DGKB: variants seen among roughly 807,000 people sequenced by gnomAD.
DGKB encodes diacylglycerol kinase beta.
Under a neutral mutation model 114.3 loss-of-function variants are expected in DGKB, and 67 were observed. The observed-to-expected ratio is 0.59, with a 90% CI of 0.48 to 0.72. The LOEUF (loss-of-function observed/expected upper bound fraction) is 0.72. Among genes scored for constraint, DGKB ranks in the 30% least tolerant of loss-of-function variants. The pLI, the probability that DGKB is intolerant of heterozygous loss-of-function variation, is 0.00. For missense variants in DGKB, 907 were observed against 975.2 expected (o/e 0.93, Z 0.93); for synonymous variants, 398 against 323.1 (o/e 1.23, Z -2.49).
At chr7:14,831,127 G>GT (rs1454950013) in intron 2 of DGKB, among the ~76,000 whole-genome samples, 2 of 151,882 alleles carry the variant, frequency 1.3e-5, no homozygotes, top group Admixed American at 1.3e-4. Context: ...CAAATAAGAT[G>GT]TATCTGAGAA....
At chr7:14,908,000 C>T (rs1783796512), upstream of DGKB, among the ~76,000 whole-genome samples, 1 of 152,122 alleles carries the variant, frequency 6.6e-6, no homozygotes. Context: ...TGTAGTTGTC[C>T]AACTGAAGTT....
chr7:14,168,513 A>C (rs2128233206), intron 25 of DGKB, among the ~76,000 whole-genome samples: 1 of 152,358 alleles, frequency 6.6e-6, no homozygotes, highest in East Asian at 1.9e-4. Flanking sequence ...GACTCATCAA[A>C]GTCCAACTGC....
At chr7:14,931,982 G>A (rs1785043208) in intron 1 of DGKB, among the ~76,000 whole-genome samples, 1 of 152,136 alleles carries the variant, frequency 6.6e-6, no homozygotes, top group Non-Finnish European at 1.5e-5. Context: ...TTCTCCAACA[G>A]CTGCAATCAA....
chr7:14,360,526 A>G (rs1420657004), intron 21 of DGKB, among the ~76,000 whole-genome samples: 1 of 151,890 alleles, frequency 6.6e-6, no homozygotes, highest in Non-Finnish European at 1.5e-5. Flanking sequence ...AGCACCTACT[A>G]AGTTTCAGGG....
At chr7:14,259,511 C>A (rs1331634227) in intron 23 of DGKB, among the ~76,000 whole-genome samples, 1 of 151,116 alleles carries the variant, frequency 6.6e-6, no homozygotes, top group Non-Finnish European at 1.5e-5. Context: ...ACTGCAACTT[C>A]TGCATCCCGG....
intron 20 of DGKB, among the ~76,000 whole-genome samples, chr7:14,538,113 G>GAAAAAAA (rs1412790272): frequency 9.0e-6 from 1 of 111,286 alleles, no homozygotes; most frequent in Non-Finnish European, 2.0e-5. Flanking sequence ...AAAAAAAAAT[G>GAAAAAAA]GGACTACATC....
chr7:14,357,876 G>A (rs1012570965), intron 21 of DGKB, among the ~76,000 whole-genome samples: 1 of 152,126 alleles, frequency 6.6e-6, no homozygotes, highest in African/African-American at 2.4e-5. Flanking sequence ...GGCTGGATAT[G>A]AAATTCTGGG....
intron 2 of DGKB, among the ~76,000 whole-genome samples, chr7:14,810,582 T>G (rs542555821): frequency 6.6e-6 from 1 of 152,288 alleles, no homozygotes; most frequent in African/African-American, 2.4e-5. Context: ...AGGAATAAAT[T>G]TTTCTTACTA....
At position 14,842,001 on chromosome 7, in the gene DGKB, T is replaced by C. The variant is rs972890858; in HGVS notation, c.-187-551A>G. Among the ~76,000 whole-genome samples, 73 of 152,216 alleles carry C rather than the reference T, an allele frequency of 4.8e-4. 1 individual carries two copies. Among genetic ancestry groups the C allele is most frequent in the Non-Finnish European group, 2.8e-4 (19 of 68,030 alleles). ...GTGTAATGACAGTAGATGATTCTAT[T>C]GTGAATCACGCTTTAAAATAAATCT... On this transcript the variant is annotated intron_variant, in intron 1 of 25. Transcript: ENST00000402815.
chr7:14,969,761 C>T (rs1193793617), intron 1 of DGKB, among the ~76,000 whole-genome samples: 1 of 152,160 alleles, frequency 6.6e-6, no homozygotes, highest in East Asian at 1.9e-4. Flanking sequence ...TGGTCTACTA[C>T]ACGACTAAGC....
chr7:14,707,181 A>G (rs1250815898), intron 6 of DGKB, among the ~76,000 whole-genome samples: 1 of 129,964 alleles, frequency 7.7e-6, no homozygotes, highest in Non-Finnish European at 1.6e-5. Context: ...AGAGAATACT[A>G]CAAACACCTC....
chr7:14,634,655 A>G (rs537076067), intron 13 of DGKB, among the ~76,000 whole-genome samples: 2 of 151,754 alleles, frequency 1.3e-5, no homozygotes, highest in East Asian at 3.9e-4. Flanking sequence ...GAGAAAAAAA[A>G]CTAGGGTAAG....
At chr7:14,745,585 T>C (rs1307488501) in intron 4 of DGKB, among the ~76,000 whole-genome samples, 2 of 152,136 alleles carry the variant, frequency 1.3e-5, no homozygotes, top group African/African-American at 2.4e-5. Flanking sequence ...AATCAATGTG[T>C]AGTGGCTCAG....
intron 25 of DGKB, among the ~76,000 whole-genome samples, chr7:14,155,818 C>A (rs1782932328): frequency 6.6e-6 from 1 of 151,980 alleles, no homozygotes; most frequent in South Asian, 2.1e-4. Flanking sequence ...GGGTGAAAAC[C>A]AGGAAGTTGG....
intron 1 of DGKB, among the ~76,000 whole-genome samples, chr7:14,934,948 A>G (rs1302758954): frequency 6.6e-6 from 1 of 152,182 alleles, no homozygotes; most frequent in Non-Finnish European, 1.5e-5. Context: ...CCTACAGCCT[A>G]ATGTTACATT....
chr7:14,330,546 TAA>T (rs946598688), intron 23 of DGKB, among the ~76,000 whole-genome samples: 3 of 152,022 alleles, frequency 2.0e-5, no homozygotes, highest in African/African-American at 7.2e-5. Flanking sequence ...AATTCTACCA[TAA>T]AAAGTTATAG....
intron 16 of DGKB, among the ~76,000 whole-genome samples, chr7:14,611,713 G>A (rs191584678): frequency 1.8e-4 from 27 of 149,790 alleles, no homozygotes; most frequent in African/African-American, 5.3e-4. Flanking sequence ...ATATATATAT[G>A]TATATTTTTA....
At chr7:14,580,257 C>G (rs149691169) in intron 19 of DGKB, among the ~76,000 whole-genome samples, 2 of 152,114 alleles carry the variant, frequency 1.3e-5, no homozygotes, top group Non-Finnish European at 2.9e-5. Context: ...GCAGTTTTTT[C>G]TTCTATGTCA....
At chr7:14,905,690 T>C (rs774431748), upstream of DGKB, among the ~76,000 whole-genome samples, 24 of 152,188 alleles carry the variant, frequency 1.6e-4, no homozygotes, top group Non-Finnish European at 2.9e-4. Flanking sequence ...ATGATAGTCA[T>C]TTACTGAAGA....
Sources: gnomAD v4.1 joint callset for allele counts (sites outside exome capture counted in the v4.1 genomes callset) on GRCh38, gnomAD v4.1.1 for gene constraint, MANE v1.5 for transcripts, NCBI Gene and HGNC (gene_info 2026-07-23, HGNC 2026-07-21) for gene names.